Variants in COL11A1 observed in about 807,000 individuals in gnomAD.
The protein encoded by COL11A1 is collagen type XI alpha 1 chain.
A neutral mutation model predicts 265.2 loss-of-function variants in COL11A1; 74 were observed. That is an observed-to-expected ratio of 0.28 (90% CI 0.23 to 0.34). The LOEUF (loss-of-function observed/expected upper bound fraction) is 0.34. Ranked by LOEUF, COL11A1 falls within the 10% of genes least tolerant of loss-of-function variation. The pLI, the probability that COL11A1 is intolerant of heterozygous loss-of-function variation, is 1.00. For missense variants in COL11A1, 2,165 were observed against 2,263.6 expected (o/e 0.96, Z 0.88); for synonymous variants, 816 against 727.6 (o/e 1.12, Z -1.96).
intron 4 of COL11A1, among the ~76,000 whole-genome samples, chr1:103,066,973 A>T (rs1160144628): frequency 2.0e-5 from 3 of 151,966 alleles, no homozygotes; most frequent in Non-Finnish European, 4.4e-5. Flanking sequence ...AGTGACAAGC[A>T]GAAAGATCTA....
chr1:103,045,675 T>C (rs1359913444), intron 4 of COL11A1, among the ~76,000 whole-genome samples: 4 of 152,126 alleles, frequency 2.6e-5, no homozygotes. Context: ...CGTGCAGGTT[T>C]GTTACGTATG....
intron 4 of COL11A1, among the ~76,000 whole-genome samples, chr1:103,041,530 C>T (rs888385308): frequency 6.0e-5 from 9 of 150,842 alleles, no homozygotes; most frequent in African/African-American, 1.2e-4. Flanking sequence ...AAAAATAGTC[C>T]CTTATTTTTG....
chr1:102,917,075 A>T (rs1345629305), intron 49 of COL11A1, among the ~76,000 whole-genome samples: 1 of 151,872 alleles, frequency 6.6e-6, no homozygotes, highest in Non-Finnish European at 1.5e-5. Flanking sequence ...ATTCACAGGA[A>T]ACCAAAAAAA....
intron 41 of COL11A1, among the ~76,000 whole-genome samples, chr1:102,948,272 A>G (rs1285642872): frequency 1.3e-5 from 2 of 152,100 alleles, no homozygotes; most frequent in Non-Finnish European, 2.9e-5. Context: ...CAGGTAGTTT[A>G]TAGAGCTGTT....
intron 54 of COL11A1, among the ~76,000 whole-genome samples, chr1:102,907,604 A>T (rs1654141579): frequency 6.6e-6 from 1 of 152,062 alleles, no homozygotes; most frequent in East Asian, 1.9e-4. Flanking sequence ...ACATATCTGT[A>T]ACAATTCTGC....
intron 4 of COL11A1, among the ~76,000 whole-genome samples, chr1:103,064,606 G>GTTACATTGTCACAATCCCGGGAT (rs1670934842): frequency 6.6e-6 from 1 of 150,638 alleles, no homozygotes; most frequent in Non-Finnish European, 1.5e-5. Flanking sequence ...CAGGAGAATG[G>GTTACATTGTCACAATCCCGGGAT]TGTGAACCCG....
intron 54 of COL11A1, among the ~76,000 whole-genome samples, chr1:102,908,751 G>T (rs987223511): frequency 1.3e-5 from 2 of 151,834 alleles, no homozygotes; most frequent in African/African-American, 2.4e-5. Context: ...AAAAAATCAA[G>T]TATAACTTTG....
At chr1:103,085,009 C>T (rs1322305790) in intron 1 of COL11A1, among the ~76,000 whole-genome samples, 1 of 152,042 alleles carries the variant, frequency 6.6e-6, no homozygotes, top group Admixed American at 6.6e-5. Flanking sequence ...ATTATTTATC[C>T]AATTTTTGGT....
rs115591384 is a variant in COL11A1 at position 103,045,348 on chromosome 1, T to A, written c.652-14104A>T. Among the ~76,000 whole-genome samples, 477 of 152,212 alleles carry A rather than the reference T, an allele frequency of 3.1e-3. 3 individuals are homozygous for A. The highest frequency in any genetic ancestry group is 0.011 in the African/African-American group (458 of 41,490). On this transcript the variant is annotated intron_variant, in intron 4 of 66. Transcript: ENST00000370096. ...GCTACTTGAAAGAAATAGACTTGCT[T>A]TTCTAGTTATGCTGCTTAGAGAACA...
At chr1:103,006,557 A>C (rs1181349877) in intron 15 of COL11A1, among the ~76,000 whole-genome samples, 1 of 10,816 alleles carries the variant, frequency 9.2e-5, no homozygotes, top group Non-Finnish European at 2.7e-4. Flanking sequence ...TTTTTTTTTG[A>C]GACGGAGTCT....
intron 1 of COL11A1, among the ~76,000 whole-genome samples, chr1:103,104,770 A>G (rs974710558): frequency 6.6e-6 from 1 of 152,208 alleles, no homozygotes; most frequent in Non-Finnish European, 1.5e-5. Context: ...AAATGGAAAG[A>G]CATAATATTA....
chr1:103,052,689 G>A (rs940813087), intron 4 of COL11A1, among the ~76,000 whole-genome samples: 3 of 152,100 alleles, frequency 2.0e-5, no homozygotes, highest in African/African-American at 7.2e-5. Context: ...CTATCTTACA[G>A]CTTTCCCAAC....
intron 11 of COL11A1, 76 bp from the exon 12 acceptor site, chr1:103,015,818 G>T: frequency 2.7e-6 from 3 of 1,097,760 alleles, no homozygotes; most frequent in Admixed American, 2.2e-5. Flanking sequence ...AACTTATAAC[G>T]TAAGTCTACT....
intron 41 of COL11A1, among the ~76,000 whole-genome samples, chr1:102,948,272 A>T (rs1285642872): frequency 6.6e-6 from 1 of 152,100 alleles, no homozygotes; most frequent in African/African-American, 2.4e-5. Context: ...CAGGTAGTTT[A>T]TAGAGCTGTT....
At chr1:102,926,903 C>G (rs1341059103) in intron 46 of COL11A1, among the ~76,000 whole-genome samples, 2 of 152,018 alleles carry the variant, frequency 1.3e-5, no homozygotes, top group African/African-American at 4.8e-5. Context: ...GTATAATTGT[C>G]TAACAAGTAT....
At chr1:103,026,517 G>A (rs1265981636) in intron 5 of COL11A1, among the ~76,000 whole-genome samples, 185 bp from the exon 6 acceptor site, 1 of 152,084 alleles carries the variant, frequency 6.6e-6, no homozygotes, top group East Asian at 1.9e-4. Context: ...AATAACATAG[G>A]AGTGACAAAG....
intron 36 of COL11A1, among the ~76,000 whole-genome samples, chr1:102,971,963 A>G (rs1662018831): frequency 2.0e-5 from 3 of 151,958 alleles, no homozygotes; most frequent in Non-Finnish European, 4.4e-5. Context: ...TTACATACCC[A>G]CGTATCATTT....
At chr1:102,897,113 T>C (rs1338166090) in intron 57 of COL11A1, among the ~76,000 whole-genome samples, 2 of 151,984 alleles carry the variant, frequency 1.3e-5, no homozygotes, top group Non-Finnish European at 2.9e-5. Context: ...TTAAATAATC[T>C]CTTTAAAACT....
chr1:102,931,591 T>C (rs961982325), intron 46 of COL11A1, among the ~76,000 whole-genome samples: 13 of 152,166 alleles, frequency 8.5e-5, no homozygotes, highest in Admixed American at 6.5e-5. Flanking sequence ...TAGAGAGTTC[T>C]GTAGATGTCT....
Sources: allele counts gnomAD v4.1 joint callset (sites outside exome capture counted in the v4.1 genomes callset), GRCh38; gene constraint gnomAD v4.1.1; transcripts MANE v1.5; gene names NCBI Gene and HGNC (gene_info 2026-07-23, HGNC 2026-07-21).